Variants in SVEP1 observed in about 807,000 individuals in gnomAD.
The protein encoded by SVEP1 is sushi, von Willebrand factor type A, EGF and pentraxin domain-containing protein 1.
SVEP1 carries 164 observed loss-of-function variants against 367.3 expected under a neutral mutation model. The ratio of observed to expected loss-of-function variants is 0.45; its 90% CI spans 0.39 to 0.51. The LOEUF is 0.51. Ranked by LOEUF, SVEP1 falls within the 20% of genes least tolerant of loss-of-function variation. SVEP1 has a pLI of 0.00. For synonymous variants in SVEP1, 1,666 were observed against 1,611.6 expected (o/e 1.03, Z -0.81); for missense variants, 4,117 against 4,425.3 (o/e 0.93, Z 1.98).
rs767366915 is a variant in SVEP1, at chr9:110,471,513, G to T, written c.2849C>A (p.Thr950Lys). Residue 950 changes from threonine to lysine, a missense_variant, in exon 16 of 48, where the codon ACA becomes AAA. Thr to Lys is a moderately conservative substitution (Grantham distance 78). Transcript: ENST00000374469. ...GTTGAGAGTCCTTTTCAGTTTATTT[G>T]TGATAGTTTCCAATGTCTGAAGGAG... ...QRLLQTLETI[T>K]NKLKRTLNKD... 38 of 1,613,828 alleles carry T rather than the reference G, an allele frequency of 2.4e-5. No individual in the cohort carries two copies. Among genetic ancestry groups the T allele is most frequent in the Middle Eastern group, 3.3e-4 (2 of 6,084 alleles).
intron 43 of SVEP1, among the ~76,000 whole-genome samples, chr9:110,380,950 G>T (rs149450809): frequency 1.8e-3 from 280 of 152,178 alleles, no homozygotes; most frequent in African/African-American, 6.4e-3. Flanking sequence ...TTATCCAAGG[G>T]TGCATGTGTC....
At chr9:110,568,575 G>C (rs1435480272) in intron 1 of SVEP1, among the ~76,000 whole-genome samples, 1 of 152,038 alleles carries the variant, frequency 6.6e-6, no homozygotes. Context: ...CCTGTGAAGA[G>C]GAAGATCTCG....
chr9:110,431,890 T>A (rs1398173131), intron 32 of SVEP1, 25 bp downstream of exon 32: 1 of 1,612,818 alleles, frequency 6.2e-7, no homozygotes, highest in African/African-American at 1.3e-5. Context: ...AATTAGGAAC[T>A]TTTAGTTCTA....
At chr9:110,380,332 T>C (rs1827414770) in intron 43 of SVEP1, among the ~76,000 whole-genome samples, 1 of 152,176 alleles carries the variant, frequency 6.6e-6, no homozygotes, top group Non-Finnish European at 1.5e-5. Flanking sequence ...GAAGAGTCCT[T>C]ATAAGCCGGC....
At chr9:110,371,555 C>T (rs1327726557) in intron 46 of SVEP1, among the ~76,000 whole-genome samples, 1 of 152,066 alleles carries the variant, frequency 6.6e-6, no homozygotes, top group East Asian at 1.9e-4. Context: ...TATGTTTCTG[C>T]TTATCACTCC....
rs1406891474 is a variant in SVEP1 at position 110,434,354 on chromosome 9, G to A, written c.5041C>T (p.Pro1681Ser). The A allele has an allele frequency of 1.9e-6, 3 of 1,608,884 alleles. No homozygotes were observed. The highest frequency in any genetic ancestry group is 2.6e-6 in the Non-Finnish European group (3 of 1,176,130). Reference protein sequence around the residue: ...YCLNQGQWTQPLPHCERISCG... With the variant: ...YCLNQGQWTQSLPHCERISCG... ...AGCTCACGTTCACAGTGAGGAAGTGGTTGTGTCCACTGTCCTTGATTCAGA... is the reference window on the plus strand; with the variant it reads ...AGCTCACGTTCACAGTGAGGAAGTGATTGTGTCCACTGTCCTTGATTCAGA... Residue 1681 changes from proline (P) to serine (S), a missense_variant, in exon 30 of 48, where the codon CCA (proline) becomes TCA (serine). Coordinates refer to ENST00000374469, the MANE Select transcript of SVEP1 (RefSeq NM_153366.4).
In SVEP1 at chr9:110,408,084, T is replaced by G; in HGVS notation, c.7516A>C (p.Asn2506His). 2 of 1,613,152 alleles carry G rather than the reference T, an allele frequency of 1.2e-6. No homozygotes were observed. The highest frequency in any genetic ancestry group is 1.7e-6 in the Non-Finnish European group (2 of 1,179,606). The change falls in exon 38 of 48, where the codon AAT (asparagine) becomes CAT (histidine). Residue 2506 changes from asparagine to histidine, a missense_variant. By Grantham distance (68) the Asn-to-His change is moderately conservative. Transcript: ENST00000374469. The stretch of plus-strand genomic sequence containing the variant: ...AGGTCCGTGTAAGAGAATTTGCCAT[T>G]CAAAATCTCCTTGGGTTTCAGGCAC... ...IECLKPKEIL[N>H]GKFSYTDLHY...
chr9:110,519,338 ATGCTCTGGCGCT>A (rs1283047577), intron 3 of SVEP1, among the ~76,000 whole-genome samples: 2 of 152,132 alleles, frequency 1.3e-5, no homozygotes, highest in African/African-American at 4.8e-5. Context: ...TGCCAGATAG[ATGCTCTGGCGCT>A]TGGTAAATAT....
At chr9:110,534,185 C>T (rs183767824) in intron 3 of SVEP1, among the ~76,000 whole-genome samples, 2 of 152,248 alleles carry the variant, frequency 1.3e-5, no homozygotes, top group East Asian at 3.9e-4. Context: ...CCATACCCTC[C>T]ACCCTCAAGT....
At chr9:110,427,397 T>G (rs1828270986) in intron 36 of SVEP1, among the ~76,000 whole-genome samples, 194 bp downstream of exon 36, 1 of 151,600 alleles carries the variant, frequency 6.6e-6, no homozygotes, top group Non-Finnish European at 1.5e-5. Context: ...GATATACTAC[T>G]CAAATTCCAG....
intron 3 of SVEP1, among the ~76,000 whole-genome samples, chr9:110,519,832 T>TC (rs1829855311): frequency 5.3e-5 from 8 of 152,186 alleles, no homozygotes; most frequent in Non-Finnish European, 1.0e-4. Context: ...TCTTGGCTCT[T>TC]CCACTAACAA....
chr9:110,517,827 G>GA (rs1469121779), intron 3 of SVEP1, among the ~76,000 whole-genome samples: 2 of 137,972 alleles, frequency 1.4e-5, no homozygotes, highest in African/African-American at 5.4e-5. Context: ...TCAAGAACGA[G>GA]AAAAAAAGGT....
chr9:110,570,464 TTGCG>T (rs767474247), intron 1 of SVEP1, among the ~76,000 whole-genome samples: 1 of 88,758 alleles, frequency 1.1e-5, no homozygotes, highest in Non-Finnish European at 2.2e-5. Flanking sequence ...AAAGTTTCTG[TTGCG>T]TGTGTGTGTG....
chr9:110,448,165 G>A (rs1056993595), intron 24 of SVEP1, among the ~76,000 whole-genome samples: 11 of 38,074 alleles, frequency 2.9e-4, no homozygotes, highest in Admixed American at 8.3e-4. Context: ...GTGTGTGTGC[G>A]CGCGCTCGCG....
At chr9:110,474,191 G>A (rs1241481215) in intron 14 of SVEP1, among the ~76,000 whole-genome samples, 1 of 152,006 alleles carries the variant, frequency 6.6e-6, no homozygotes, top group African/African-American at 2.4e-5. Context: ...GTAGAGATGG[G>A]GTTTTACCAT....
intron 3 of SVEP1, among the ~76,000 whole-genome samples, chr9:110,534,933 C>T (rs935618773): frequency 2.6e-5 from 4 of 151,958 alleles, no homozygotes; most frequent in Non-Finnish European, 4.4e-5. Flanking sequence ...TTGTCAGATG[C>T]AGCATTTGCA....
At chr9:110,492,851 A>T in intron 8 of SVEP1, among the ~76,000 whole-genome samples, 1 of 152,122 alleles carries the variant, frequency 6.6e-6, no homozygotes, top group Middle Eastern at 3.4e-3. Flanking sequence ...GATTCACCCC[A>T]ATGTGAGGAG....
intron 36 of SVEP1, 127 bp from the exon 37 acceptor site, chr9:110,411,862 CTT>C (rs1342787730): frequency 1.1e-6 from 1 of 871,214 alleles, no homozygotes; most frequent in Non-Finnish European, 1.7e-6. Context: ...AATATTTCCT[CTT>C]TGAATACTGA....
At chr9:110,430,107 CTTTT>C (rs11331398) in intron 33 of SVEP1, 103 bp from the exon 34 acceptor site, 753 of 960,944 alleles carry the variant, frequency 7.8e-4, no homozygotes, top group Non-Finnish European at 9.1e-4. Flanking sequence ...TGTTTGTTTT[CTTTT>C]TTTTTTTTTT....
Sources: allele counts gnomAD v4.1 joint callset (sites outside exome capture counted in the v4.1 genomes callset), GRCh38; gene constraint gnomAD v4.1.1; transcripts MANE v1.5; gene names NCBI Gene and HGNC (gene_info 2026-07-23, HGNC 2026-07-21).